Variants in RGS16 observed in about 807,000 individuals in gnomAD.
RGS16 encodes the protein hRGS-r.
A neutral mutation model predicts 18.1 loss-of-function variants in RGS16; 12 were observed. That is an observed-to-expected ratio of 0.66 (90% CI 0.42 to 1.07). The LOEUF (loss-of-function observed/expected upper bound fraction) is 1.07, where lower values mean the gene tolerates loss of function less well. Among genes scored for constraint, RGS16 ranks in the 50% least tolerant of loss-of-function variants. The pLI is 0.00. For synonymous variants in RGS16, 88 were observed against 102.0 expected (o/e 0.86, Z 0.83); for missense variants, 238 against 249.2 (o/e 0.95, Z 0.30).
At chr1:182,601,925 G>A in intron 4 of RGS16, 41 bp downstream of exon 4, 1 of 1,610,226 alleles carries the variant, frequency 6.2e-7, no homozygotes, top group Admixed American at 1.7e-5. Context: ...GAAGGAGCAG[G>A]CAGGGTCGTG....
chr1:182,603,186 C>T, intron 2 of RGS16, 43 bp downstream of exon 2: 1 of 1,418,806 alleles, frequency 7.0e-7, no homozygotes, highest in Non-Finnish European at 1.0e-6. Context: ...TCCCTTCCCA[C>T]TCCCTTCCCT....
intron 4 of RGS16, 73 bp downstream of exon 4, chr1:182,601,893 T>C (rs1661869596): frequency 1.3e-6 from 2 of 1,580,378 alleles, no homozygotes. Flanking sequence ...CTTCCTCCCC[T>C]CTAGCCCTGA....
chr1:182,601,805 C>T, intron 4 of RGS16, 161 bp downstream of exon 4: 1 of 823,714 alleles, frequency 1.2e-6, no homozygotes, highest in Non-Finnish European at 2.0e-6. Context: ...GGCACTGGGC[C>T]TGGCTTTCCT....
rs1467109189 is a variant in RGS16 at position 182,600,157 on chromosome 1, T to C, written c.*135A>G. On this transcript the variant is annotated 3_prime_UTR_variant, in exon 5 of 5. Coordinates refer to ENST00000367558, the MANE Select transcript of RGS16 (RefSeq NM_002928.4). The stretch of plus-strand genomic sequence containing the variant: ...TTCCCAAACAGGCTGCTGGAGCGCA[T>C]TTTTTTTTTTTTTTTTTTTTTTTTT... The C allele has an allele frequency of 4.0e-5, 6 of 148,754 alleles. No individual in the cohort carries two copies. The highest frequency in any genetic ancestry group is 6.5e-5 in the Non-Finnish European group (5 of 77,082). The allele number at this position is 148,754 out of a possible 1,614,324, so 9.2% of individuals were successfully genotyped here. A position where few individuals can be genotyped will look rare whatever the true frequency, so the allele number is the denominator to read the frequency against.
rs916667657 is a variant in RGS16 at position 182,604,314 on chromosome 1, G to T, written c.-55C>A. 19 of 1,505,080 alleles carry T rather than the reference G, an allele frequency of 1.3e-5. No individual in the cohort carries two copies. The highest frequency in any genetic ancestry group is 4.4e-5 in the Admixed American group (2 of 45,612). The allele number at this position is 1,505,080 out of a possible 1,614,324, so 93.2% of individuals were successfully genotyped here. ...GCAGGATGGTGGCAGGCTCCAGGAG[G>T]CTCCGCGTGCGCCAGGAAGCAAAGG... is the stretch of plus-strand genomic sequence containing the variant. On this transcript the variant is annotated 5_prime_UTR_variant, in exon 1 of 5. Transcript: ENST00000367558.
At chr1:182,600,723 G>A (rs1225241054) in intron 4 of RGS16, among the ~76,000 whole-genome samples, 1 of 152,124 alleles carries the variant, frequency 6.6e-6, no homozygotes, top group African/African-American at 2.4e-5. Flanking sequence ...TTAACATGAG[G>A]ATCTATCAAG....
intron 4 of RGS16, 25 bp downstream of exon 4, chr1:182,601,941 T>A (rs768091799): frequency 6.2e-7 from 1 of 1,613,870 alleles, no homozygotes; most frequent in South Asian, 1.1e-5. Flanking sequence ...TCGTGAGGAT[T>A]CACTGGGCAT....
intron 4 of RGS16, among the ~76,000 whole-genome samples, chr1:182,601,554 C>T (rs1198470922): frequency 6.6e-6 from 1 of 152,200 alleles, no homozygotes; most frequent in Non-Finnish European, 1.5e-5. Flanking sequence ...ATGCGTTTAG[C>T]GGCCAGGAGA....
chr1:182,602,478 G>A lies in RGS16; in HGVS notation c.162C>T (p.Asn54=). 1 of 1,612,708 alleles carries A rather than the reference G, an allele frequency of 6.2e-7. No homozygotes were observed. Among genetic ancestry groups the A allele is most frequent in the South Asian group, 1.1e-5 (1 of 90,924 alleles). ...TCCACCCCAGCACATCTTCTGAGAA[G>A]TTTCTACTAAAAGACAAAAAGAAAA... ...WGSKHSKENR[N]FSEDVLGWRE... Residue 54 remains asparagine, a synonymous_variant, in exon 3 of 5, where the codon AAC becomes AAT. Coordinates refer to ENST00000367558, the MANE Select transcript of RGS16 (RefSeq NM_002928.4).
In RGS16 at chr1:182,600,383, T is replaced by C; in HGVS notation, c.518A>G (p.Lys173Arg). 6.2e-7 allele frequency: 1 copy of C among 1,613,980 alleles called. No homozygotes were observed. Reference protein sequence around the residue: ...MEKDSYPRFLKSPAYRDLAAQ... With the variant: ...MEKDSYPRFLRSPAYRDLAAQ... ...AGCCAGGTCCCGGTAAGCAGGCGACTTCAGGAAGCGTGGGTAGGAGTCCTT... is the reference window on the plus strand; with the variant it reads ...AGCCAGGTCCCGGTAAGCAGGCGACCTCAGGAAGCGTGGGTAGGAGTCCTT... The change falls in exon 5 of 5, where the codon AAG (lysine) becomes AGG (arginine). Residue 173 changes from lysine (K) to arginine (R), a missense_variant. By Grantham distance (26) the Lys-to-Arg change is conservative. Transcript: ENST00000367558.
chr1:182,604,104 A>T, intron 1 of RGS16, 112 bp downstream of exon 1: 2 of 1,085,776 alleles, frequency 1.8e-6, no homozygotes, highest in South Asian at 1.4e-5. Context: ...CTACCTCTCT[A>T]CTCAAGCCTC....
intron 2 of RGS16, among the ~76,000 whole-genome samples, chr1:182,602,846 A>T (rs1661888404): frequency 6.6e-6 from 1 of 152,230 alleles, no homozygotes; most frequent in Admixed American, 6.5e-5. Flanking sequence ...ATCTACACAT[A>T]ACTCCAGAGT....
At chr1:182,601,818 T>C in intron 4 of RGS16, 148 bp downstream of exon 4, 1 of 929,016 alleles carries the variant, frequency 1.1e-6, no homozygotes, top group Middle Eastern at 3.3e-4. Context: ...GCTTTCCTAG[T>C]CTCTGGTCAC....
chr1:182,602,381 T>C (rs2102381240), intron 3 of RGS16, 39 bp downstream of exon 3: 1 of 1,584,502 alleles, frequency 6.3e-7, no homozygotes, highest in Non-Finnish European at 8.7e-7. Context: ...TGAGTACACA[T>C]GTGCCACCCA....
chr1:182,600,169 T>C lies in RGS16; in HGVS notation c.*123A>G. ...CTGCTGGAGCGCATTTTTTTTTTTTTTTTTTTTTTTTTTGTCCTCTTGCAC... is the reference window on the plus strand; with the variant it reads ...CTGCTGGAGCGCATTTTTTTTTTTTCTTTTTTTTTTTTTGTCCTCTTGCAC... On this transcript the variant is annotated 3_prime_UTR_variant, in exon 5 of 5. Coordinates refer to ENST00000367558, the MANE Select transcript of RGS16 (RefSeq NM_002928.4). 1.9e-6 allele frequency: 1 copy of C among 523,032 alleles called. No individual in the cohort carries two copies. The highest frequency in any genetic ancestry group is 3.2e-6 in the Non-Finnish European group (1 of 312,116). The allele number at this position is 523,032 out of a possible 1,614,324, so 32.4% of individuals were successfully genotyped here. A position where few individuals can be genotyped will look rare whatever the true frequency, so the allele number is the denominator to read the frequency against.
In RGS16 at chr1:182,600,119, G is replaced by A. The variant is rs1661834153; in HGVS notation, c.*173C>T. On this transcript the variant is annotated 3_prime_UTR_variant, in exon 5 of 5. Transcript: ENST00000367558. ...AGCATGAGTCCCACAGTATCTGAAG[G>A]AGAGACTGCTGCTTCCCAAACAGGC... 3.3e-6 allele frequency: 2 copies of A among 615,144 alleles called. No individual in the cohort carries two copies. The highest frequency in any genetic ancestry group is 3.0e-5 in the Admixed American group (1 of 33,860). 38.1% of individuals were successfully genotyped at this position (615,144 alleles called of 1,614,324 possible). A position where few individuals can be genotyped will look rare whatever the true frequency, so the allele number is the denominator to read the frequency against.
chr1:182,603,383 C>A, intron 1 of RGS16, 44 bp from the exon 2 acceptor site: 1 of 1,536,374 alleles, frequency 6.5e-7, no homozygotes, highest in South Asian at 1.1e-5. Context: ...CTCATTTGCT[C>A]AGCCAGTGTG....
chr1:182,601,928 G>A (rs376672875), intron 4 of RGS16, 38 bp downstream of exon 4: 292 of 1,611,786 alleles, frequency 1.8e-4, no homozygotes, highest in Non-Finnish European at 2.3e-4. Flanking sequence ...GGAGCAGGCA[G>A]GGTCGTGAGG....
rs1661807073 is a variant in RGS16, at chr1:182,598,648, T to C, written c.*1644A>G. ...TCATATTTGACTTTTGCTTTTATTT[T>C]ATAAGAATATAACATGCTGAAACAG... On this transcript the variant is annotated 3_prime_UTR_variant, in exon 5 of 5. Coordinates refer to ENST00000367558, the MANE Select transcript of RGS16 (RefSeq NM_002928.4). 1.3e-5 allele frequency: 2 copies of C among 152,672 alleles called. No homozygotes were observed. The highest frequency in any genetic ancestry group is 2.9e-5 in the Non-Finnish European group (2 of 68,046). The allele number at this position is 152,672 out of a possible 1,614,324, so 9.5% of individuals were successfully genotyped here.
Sources: gnomAD v4.1 joint callset for allele counts (sites outside exome capture counted in the v4.1 genomes callset) on GRCh38, gnomAD v4.1.1 for gene constraint, MANE v1.5 for transcripts, NCBI Gene and HGNC (gene_info 2026-07-23, HGNC 2026-07-21) for gene names.